Variants in PDXDC1 observed in about 807,000 individuals in gnomAD.
PDXDC1 encodes the protein pyridoxal dependent decarboxylase domain containing 1, also known as pyridoxal-dependent decarboxylase domain-containing protein 1.
In PDXDC1, 42 loss-of-function variants were observed where a neutral mutation model predicts 100.1. The observed-to-expected ratio is 0.42, with a 90% CI of 0.33 to 0.54. PDXDC1 has a LOEUF of 0.54. Among genes scored for constraint, PDXDC1 ranks in the 20% least tolerant of loss-of-function variants. PDXDC1 has a pLI of 0.10. For synonymous variants in PDXDC1, 260 were observed against 371.7 expected (o/e 0.70, Z 3.46); for missense variants, 636 against 979.2 (o/e 0.65, Z 4.68).
intron 16 of PDXDC1, chr16:15,083,505 T>A: frequency 6.2e-7 from 1 of 1,609,262 alleles, no homozygotes. Flanking sequence ...AATGAAAAGA[T>A]TTCTTACCAG....
intron 16 of PDXDC1, chr16:15,133,510 G>T: frequency 1.1e-6 from 1 of 884,450 alleles, no homozygotes; most frequent in South Asian, 1.4e-5. Context: ...CGACCACAGC[G>T]GCTCCCAGCT....
intron 16 of PDXDC1, chr16:15,047,808 G>A (rs1431345450): frequency 6.9e-7 from 1 of 1,453,148 alleles, no homozygotes. Context: ...TGGTCCCAAA[G>A]GTTGGGTCAG....
intron 16 of PDXDC1, chr16:15,073,053 T>A (rs776911236): frequency 6.2e-7 from 1 of 1,612,350 alleles, no homozygotes; most frequent in South Asian, 1.1e-5. Flanking sequence ...GCGATATAGA[T>A]CCTTTGTTTT....
chr16:14,999,996 C>T (rs1164791245), intron 3 of PDXDC1, among the ~76,000 whole-genome samples: 22 of 152,380 alleles, frequency 1.4e-4, no homozygotes, highest in South Asian at 4.1e-4. Flanking sequence ...GCCAATAACA[C>T]GCTGAGATAC....
intron 1 of PDXDC1, among the ~76,000 whole-genome samples, chr16:14,992,779 T>C (rs1308722260): frequency 6.6e-6 from 1 of 152,284 alleles, no homozygotes; most frequent in Non-Finnish European, 1.5e-5. Context: ...GGCAAGTCGC[T>C]TAACCTCTCT....
chr16:15,131,409 A>C lies in PDXDC1; in HGVS notation c.1400-7470A>C. 1.9e-6 allele frequency: 3 copies of C among 1,606,948 alleles called. No homozygotes were observed. In the Middle Eastern group the frequency reaches 6.8e-4, roughly 363 times the overall value. On this transcript the variant is annotated intron_variant, in intron 16 of 16. Transcript: ENST00000535621. ...CCAGAAAGATGAGCTGCACCACGTC[A>C]CTGAGGTTAGCCGGGGCCCTGCTGA...
chr16:15,072,180 CT>C (rs1308875283), intron 16 of PDXDC1, among the ~76,000 whole-genome samples: 3 of 151,562 alleles, frequency 2.0e-5, no homozygotes, highest in Non-Finnish European at 4.4e-5. Flanking sequence ...CAACACTCTC[CT>C]GATCTCTAGG....
intron 16 of PDXDC1, chr16:15,056,028 C>A: frequency 1.2e-6 from 1 of 834,414 alleles, no homozygotes; most frequent in African/African-American, 1.8e-5. Context: ...GCTTTGCAGC[C>A]CCGGGCCGCC....
At chr16:14,993,418 T>C (rs1233103662) in intron 1 of PDXDC1, among the ~76,000 whole-genome samples, 5 of 152,244 alleles carry the variant, frequency 3.3e-5, no homozygotes, top group Non-Finnish European at 7.3e-5. Context: ...TTGAGATAGT[T>C]TGCTGAGAAT....
downstream of PDXDC1, among the ~76,000 whole-genome samples, chr16:15,043,114 G>T (rs1187123118): frequency 6.6e-6 from 1 of 152,080 alleles, no homozygotes; most frequent in Non-Finnish European, 1.5e-5. Context: ...TGGTCAGGCT[G>T]GTCTTGAACT....
At chr16:15,128,523 G>A (rs2047879370) in intron 16 of PDXDC1, 2 of 651,978 alleles carry the variant, frequency 3.1e-6, no homozygotes, top group Non-Finnish European at 5.5e-6. Flanking sequence ...GCACGGCTCT[G>A]CCATACACGA....
At chr16:15,013,557 A>G (rs190000863) in intron 8 of PDXDC1, among the ~76,000 whole-genome samples, 1 of 152,260 alleles carries the variant, frequency 6.6e-6, no homozygotes, top group African/African-American at 2.4e-5. Context: ...GTATACTTAC[A>G]TGAGTGAGTT....
intron 16 of PDXDC1, chr16:15,125,104 AC>A (rs2047633424): frequency 2.4e-6 from 1 of 415,416 alleles, no homozygotes; most frequent in Non-Finnish European, 4.3e-6. Context: ...CCGAGATCGT[AC>A]CATTGCACTC....
intron 16 of PDXDC1, chr16:15,065,237 T>A: frequency 1.2e-6 from 2 of 1,613,272 alleles, no homozygotes; most frequent in Non-Finnish European, 1.7e-6. Flanking sequence ...CACACAGGGA[T>A]CAAAGGGGAA....
chr16:14,990,309 T>G (rs1416718303), intron 1 of PDXDC1: 1 of 185,010 alleles, frequency 5.4e-6, no homozygotes, highest in African/African-American at 2.4e-5. Flanking sequence ...CCGCCATCGC[T>G]GCTTCCTCCT....
intron 16 of PDXDC1, chr16:15,129,982 G>C (rs1317583467): frequency 8.0e-7 from 1 of 1,250,476 alleles, no homozygotes; most frequent in Admixed American, 1.9e-5. Flanking sequence ...CATCCAACTG[G>C]TCCAGCTTGT....
downstream of PDXDC1, among the ~76,000 whole-genome samples, chr16:15,141,710 T>TCACC (rs1467703659): frequency 6.6e-6 from 1 of 151,990 alleles, no homozygotes; most frequent in Non-Finnish European, 1.5e-5. Flanking sequence ...TAAGGATGGG[T>TCACC]GGGCCCACAG....
chr16:15,108,021 G>T (rs1243668697), intron 16 of PDXDC1: 1 of 814,814 alleles, frequency 1.2e-6, no homozygotes. Flanking sequence ...CGACTTTAAA[G>T]ATCCTGAAAA....
intron 11 of PDXDC1, 63 bp from the exon 12 acceptor site, chr16:15,018,777 C>T: frequency 6.9e-7 from 1 of 1,459,200 alleles, no homozygotes; most frequent in Non-Finnish European, 9.4e-7. Flanking sequence ...CAAATGGTAG[C>T]TGGTTAGTTC....
Sources: allele counts gnomAD v4.1 joint callset (sites outside exome capture counted in the v4.1 genomes callset), GRCh38; gene constraint gnomAD v4.1.1; transcripts MANE v1.5; gene names NCBI Gene and HGNC (gene_info 2026-07-23, HGNC 2026-07-21).